Variants in EYS observed in about 807,000 individuals in gnomAD.
EYS encodes the protein EGF-like photoreceptor maintenance factor, also known as protein eyes shut homolog.
In EYS, 250 loss-of-function variants were observed where a neutral mutation model predicts 282.1. The observed-to-expected ratio is 0.89, with a 90% CI of 0.80 to 0.98. EYS has a LOEUF of 0.98. Among genes scored for constraint, EYS ranks in the 50% least tolerant of loss-of-function variants. The probability of loss-of-function intolerance (pLI) is 0.00; values close to 1 mark genes in which losing one functional copy is unlikely to be tolerated. For missense variants in EYS, 4,016 were observed against 3,709.0 expected, an observed-to-expected ratio of 1.08 and a Z score of -2.15; for synonymous variants, 1,355 against 1,282.9, an observed-to-expected ratio of 1.06 and a Z score of -1.20.
At chr6:64,745,193 A>T (rs1016860518) in intron 22 of EYS, among the ~76,000 whole-genome samples, 1 of 152,100 alleles carries the variant, frequency 6.6e-6, no homozygotes, top group African/African-American at 2.4e-5. Context: ...TTCTGAAAAA[A>T]CTCTCTAAGC....
intron 18 of EYS, among the ~76,000 whole-genome samples, chr6:64,895,802 C>T (rs1277374931): frequency 6.6e-6 from 1 of 151,944 alleles, no homozygotes; most frequent in East Asian, 1.9e-4. Context: ...ATACTTTACA[C>T]CCATACTCAT....
intron 1 of EYS, among the ~76,000 whole-genome samples, chr6:65,685,382 A>C (rs746661104): frequency 1.3e-5 from 2 of 152,044 alleles, no homozygotes; most frequent in Non-Finnish European, 2.9e-5. Flanking sequence ...TACGACATCA[A>C]ATTGAAGTTT....
chr6:65,545,969 C>A (rs548259547), intron 2 of EYS, among the ~76,000 whole-genome samples: 3 of 151,464 alleles, frequency 2.0e-5, no homozygotes, highest in African/African-American at 4.8e-5. Context: ...AGCATCTTGG[C>A]AAACCTTTTT....
At chr6:64,624,514 G>C (rs1171982827) in intron 23 of EYS, among the ~76,000 whole-genome samples, 2 of 152,182 alleles carry the variant, frequency 1.3e-5, no homozygotes, top group East Asian at 3.9e-4. Context: ...TAAGAAAACT[G>C]TAATTTTATT....
chr6:65,014,922 T>C (rs1264719815), intron 13 of EYS, among the ~76,000 whole-genome samples: 2 of 152,144 alleles, frequency 1.3e-5, no homozygotes, highest in Admixed American at 6.5e-5. Flanking sequence ...ACTATAATCA[T>C]AAGGGTCTTC....
chr6:64,594,916 T>A (rs1038996495), intron 24 of EYS, among the ~76,000 whole-genome samples: 70 of 151,888 alleles, frequency 4.6e-4, no homozygotes, highest in Non-Finnish European at 9.3e-4. Context: ...TTACAAAACA[T>A]TGAAGAGGAG....
chr6:65,547,709 T>C (rs574732795), intron 2 of EYS, among the ~76,000 whole-genome samples: 4 of 152,264 alleles, frequency 2.6e-5, no homozygotes, highest in Non-Finnish European at 4.4e-5. Context: ...ACTTTGAAAA[T>C]TGTCTGTATC....
Position 64,647,876 on chromosome 6 carries a change from G to T in EYS, c.3444-21631C>A, listed in dbSNP as rs146512197. Among the ~76,000 whole-genome samples, 15 of 152,104 alleles carry T rather than the reference G, an allele frequency of 9.9e-5. 1 individual carries two copies. Among genetic ancestry groups the T allele is most frequent in the East Asian group, 9.7e-4 (5 of 5,166 alleles). The stretch of plus-strand genomic sequence containing the variant: ...CAGTTGGTGATCATAAGGGTTTATA[G>T]AATGCATGAGTGCCTTCATGAATAA... On this transcript the variant is annotated intron_variant, in intron 22 of 42. Transcript: ENST00000503581.
At chr6:64,272,299 A>G (rs1362977520) in intron 30 of EYS, among the ~76,000 whole-genome samples, 1 of 152,028 alleles carries the variant, frequency 6.6e-6, no homozygotes, top group East Asian at 1.9e-4. Context: ...GTTATGTGTG[A>G]ATTTGGTCCT....
At chr6:65,164,447 A>C (rs925334869) in intron 12 of EYS, among the ~76,000 whole-genome samples, 1 of 151,138 alleles carries the variant, frequency 6.6e-6, no homozygotes, top group East Asian at 2.0e-4. Context: ...ATTACTGTAC[A>C]CTTTCCTTTT....
chr6:64,315,518 A>G lies in EYS; in HGVS notation c.6079-8436T>C, dbSNP rs1372986843. On this transcript the variant is annotated intron_variant, in intron 29 of 42. Transcript: ENST00000503581. ...ATGAACGTCGATGAGAAAATCCTCA[A>G]TAAAATGCTGGCAAACCGAATCCAG... 5.3e-5 allele frequency among the ~76,000 whole-genome samples: 8 copies of G among 151,614 alleles called. No homozygotes were observed. In the East Asian group the frequency reaches 7.8e-4, roughly 15 times the overall value.
At chr6:65,457,672 T>TAA (rs202202204) in intron 5 of EYS, among the ~76,000 whole-genome samples, 1 of 151,478 alleles carries the variant, frequency 6.6e-6, no homozygotes, top group Non-Finnish European at 1.5e-5. Flanking sequence ...CTCTGACGAA[T>TAA]AAAAAAAAAT....
At chr6:65,586,205 T>C (rs1460613162) in intron 2 of EYS, among the ~76,000 whole-genome samples, 3 of 152,094 alleles carry the variant, frequency 2.0e-5, no homozygotes, top group South Asian at 2.1e-4. Flanking sequence ...ACTATACACA[T>C]AGAGAATTTC....
chr6:65,279,059 C>T (rs1037835483), intron 12 of EYS, among the ~76,000 whole-genome samples: 31 of 152,100 alleles, frequency 2.0e-4, no homozygotes, highest in African/African-American at 6.5e-4. Flanking sequence ...GATGTGGTGG[C>T]ATCCTGTAGT....
intron 26 of EYS, among the ~76,000 whole-genome samples, chr6:64,549,927 C>T (rs1022863928): frequency 3.9e-5 from 6 of 152,104 alleles, no homozygotes; most frequent in African/African-American, 9.7e-5. Context: ...TGATGTTCCC[C>T]TTCCTGTGTC....
chr6:64,828,032 G>GT (rs138180983), intron 19 of EYS, among the ~76,000 whole-genome samples: 20,518 of 151,762 alleles, frequency 0.14, 1,687 homozygotes, highest in East Asian at 0.44. Context: ...AAGGTGGATA[G>GT]ATGACTGAAT....
intron 1 of EYS, among the ~76,000 whole-genome samples, chr6:65,681,681 A>G (rs1168900919): frequency 1.3e-5 from 2 of 151,938 alleles, no homozygotes; most frequent in Non-Finnish European, 2.9e-5. Flanking sequence ...CAGCATAAAT[A>G]TCATTCTCCT....
intron 1 of EYS, among the ~76,000 whole-genome samples, chr6:65,698,689 T>C (rs773172624): frequency 6.6e-6 from 1 of 152,144 alleles, no homozygotes; most frequent in Non-Finnish European, 1.5e-5. Flanking sequence ...ATTACATGAA[T>C]TGCTAAAACA....
intron 36 of EYS, among the ~76,000 whole-genome samples, chr6:63,828,049 A>G (rs1322875030): frequency 6.6e-6 from 1 of 152,168 alleles, no homozygotes; most frequent in Non-Finnish European, 1.5e-5. Flanking sequence ...GAATGACAAT[A>G]GTGATACAAT....
Sources: gnomAD v4.1 joint callset for allele counts (sites outside exome capture counted in the v4.1 genomes callset) on GRCh38, gnomAD v4.1.1 for gene constraint, MANE v1.5 for transcripts, NCBI Gene and HGNC (gene_info 2026-07-23, HGNC 2026-07-21) for gene names.